The following MARCHF3 variants were observed in gnomAD, a reference collection of about 807,000 sequenced individuals.
The protein encoded by MARCHF3 is membrane associated ring-CH-type finger 3.
In MARCHF3, 13 loss-of-function variants were observed where a neutral mutation model predicts 24.2. The ratio of observed to expected loss-of-function variants is 0.54; its 90% confidence interval spans 0.35 to 0.85. MARCHF3 has a LOEUF of 0.85. Ranked by LOEUF, MARCHF3 falls within the 40% of genes least tolerant of loss-of-function variation. MARCHF3 has a pLI of 0.01. For missense variants in MARCHF3, 276 were observed against 325.0 expected (o/e 0.85, Z 1.16); for synonymous variants, 144 against 137.3 (o/e 1.05, Z -0.34).
intron 1 of MARCHF3, among the ~76,000 whole-genome samples, chr5:126,989,818 C>T (rs12659476): frequency 0.052 from 7,845 of 152,186 alleles, 374 homozygotes; most frequent in South Asian, 0.14. Context: ...CAATATCAAG[C>T]TGCTTTTATT....
intron 3 of MARCHF3, among the ~76,000 whole-genome samples, chr5:126,898,258 G>A (rs950669742): frequency 5.3e-5 from 8 of 152,174 alleles, no homozygotes; most frequent in Admixed American, 3.9e-4. Context: ...GAGACTGGAA[G>A]ACCCTTTAGT....
At chr5:126,923,486 G>GACATGGTCATGTGAGCTGGCTGC (rs1749193850) in intron 1 of MARCHF3, among the ~76,000 whole-genome samples, 1 of 151,958 alleles carries the variant, frequency 6.6e-6, no homozygotes, top group Admixed American at 6.5e-5. Flanking sequence ...GTGCTGGCTG[G>GACATGGTCATGTGAGCTGGCTGC]CACTGACATG....
chr5:126,937,748 TG>T (rs1167351467), intron 1 of MARCHF3, among the ~76,000 whole-genome samples: 1 of 152,188 alleles, frequency 6.6e-6, no homozygotes, highest in East Asian at 1.9e-4. Context: ...TTGTTGTTTT[TG>T]GGGTGAGAGT....
At chr5:126,892,822 T>C (rs1410926223) in intron 3 of MARCHF3, among the ~76,000 whole-genome samples, 1 of 150,938 alleles carries the variant, frequency 6.6e-6, no homozygotes, top group Non-Finnish European at 1.5e-5. Flanking sequence ...TTAGGGAGGA[T>C]TCCCTCTTTG....
intron 1 of MARCHF3, among the ~76,000 whole-genome samples, chr5:126,960,113 C>T (rs147478087): frequency 5.5e-4 from 84 of 152,272 alleles, no homozygotes; most frequent in Middle Eastern, 3.4e-3. Flanking sequence ...AGCCTGGTTT[C>T]AACCCATCTT....
At chr5:126,998,509 C>G (rs1161927649) in intron 1 of MARCHF3, among the ~76,000 whole-genome samples, 2 of 152,184 alleles carry the variant, frequency 1.3e-5, no homozygotes, top group African/African-American at 2.4e-5. Flanking sequence ...AAACCCCATG[C>G]AAACATTCAG....
At chr5:127,023,925 A>G (rs961768953) in intron 1 of MARCHF3, among the ~76,000 whole-genome samples, 1 of 152,188 alleles carries the variant, frequency 6.6e-6, no homozygotes, top group Admixed American at 6.5e-5. Context: ...AGTCACCTGC[A>G]TTGGATGACA....
intron 1 of MARCHF3, among the ~76,000 whole-genome samples, chr5:126,946,720 G>A (rs80275047): frequency 6.7e-6 from 1 of 149,298 alleles, no homozygotes; most frequent in East Asian, 2.0e-4. Flanking sequence ...CACAGAAGTG[G>A]TCCCAGAGGT....
intron 1 of MARCHF3, among the ~76,000 whole-genome samples, chr5:126,992,147 C>T (rs1038561367): frequency 8.5e-5 from 13 of 152,138 alleles, no homozygotes; most frequent in African/African-American, 2.7e-4. Context: ...CTTCTCTTTG[C>T]GCTCACATTC....
chr5:127,017,820 T>C (rs1176801798), intron 1 of MARCHF3, among the ~76,000 whole-genome samples: 1 of 152,222 alleles, frequency 6.6e-6, no homozygotes, highest in Non-Finnish European at 1.5e-5. Flanking sequence ...ATAACTTTTT[T>C]TTAGTTTTTA....
At chr5:126,923,980 G>C (rs1172609831) in intron 1 of MARCHF3, among the ~76,000 whole-genome samples, 3 of 151,670 alleles carry the variant, frequency 2.0e-5, no homozygotes, top group African/African-American at 7.3e-5. Flanking sequence ...GGTATTCCTA[G>C]GAAGTTTCTG....
At chr5:126,965,021 TAAAA>T (rs56350286) in intron 1 of MARCHF3, among the ~76,000 whole-genome samples, 1 of 101,504 alleles carries the variant, frequency 9.9e-6, no homozygotes, top group Admixed American at 1.1e-4. Flanking sequence ...ATGTTCTTAG[TAAAA>T]AAAAAAAAAA....
At chr5:126,885,917 A>T (rs1375146580) in intron 3 of MARCHF3, among the ~76,000 whole-genome samples, 1 of 151,942 alleles carries the variant, frequency 6.6e-6, no homozygotes, top group Non-Finnish European at 1.5e-5. Context: ...ATTTTTCCAT[A>T]GGTCATGAAG....
chr5:126,931,544 AG>A (rs960430624), intron 1 of MARCHF3, among the ~76,000 whole-genome samples: 21 of 151,052 alleles, frequency 1.4e-4, no homozygotes, highest in African/African-American at 4.9e-4. Flanking sequence ...TGTAAATAAA[AG>A]CATATCCTCT....
At chr5:127,012,273 C>CT (rs1170649230) in intron 1 of MARCHF3, among the ~76,000 whole-genome samples, 2 of 152,076 alleles carry the variant, frequency 1.3e-5, no homozygotes, top group East Asian at 1.9e-4. Context: ...TGTGGTAATT[C>CT]TTTTTTTGCT....
chr5:126,931,391 G>GAAGT (rs1213885113), intron 1 of MARCHF3, among the ~76,000 whole-genome samples: 1 of 152,150 alleles, frequency 6.6e-6, no homozygotes, highest in Non-Finnish European at 1.5e-5. Flanking sequence ...AGGTGAAAGG[G>GAAGT]AAGTGCACAC....
At chr5:126,878,651 G>A (rs148464756) in intron 3 of MARCHF3, among the ~76,000 whole-genome samples, 5 of 152,266 alleles carry the variant, frequency 3.3e-5, no homozygotes, top group Non-Finnish European at 4.4e-5. Flanking sequence ...GAAAATAGTC[G>A]TTACTATTCA....
intron 2 of MARCHF3, among the ~76,000 whole-genome samples, chr5:126,917,313 G>A (rs957849917): frequency 2.0e-5 from 3 of 152,222 alleles, no homozygotes; most frequent in African/African-American, 7.2e-5. Context: ...AGGAGACAAA[G>A]TGCTGGTCAG....
intron 1 of MARCHF3, among the ~76,000 whole-genome samples, chr5:127,000,452 C>A (rs1014445413): frequency 6.6e-6 from 1 of 152,140 alleles, no homozygotes; most frequent in Non-Finnish European, 1.5e-5. Context: ...TGATCCCTTA[C>A]ACCCCCAGAT....
Sources: gnomAD v4.1 joint callset for allele counts (sites outside exome capture counted in the v4.1 genomes callset) on GRCh38, gnomAD v4.1.1 for gene constraint, MANE v1.5 for transcripts, NCBI Gene and HGNC (gene_info 2026-07-23, HGNC 2026-07-21) for gene names.